Variants in PLCB4 observed in about 807,000 individuals in gnomAD.
PLCB4 encodes 1-phosphatidylinositol 4,5-bisphosphate phosphodiesterase beta-4.
Under a neutral mutation model 178.8 loss-of-function variants are expected in PLCB4, and 77 were observed. That is an observed-to-expected ratio of 0.43 (90% CI 0.36 to 0.52). The LOEUF is 0.52. Among genes scored for constraint, PLCB4 ranks in the 20% least tolerant of loss-of-function variants. The probability of loss-of-function intolerance (pLI) is 0.00; values close to 1 mark genes in which losing one functional copy is unlikely to be tolerated. For missense variants in PLCB4, 1,024 were observed against 1,453.4 expected (o/e 0.70, Z 4.80); for synonymous variants, 496 against 490.8 (o/e 1.01, Z -0.14).
intron 3 of PLCB4, among the ~76,000 whole-genome samples, chr20:9,239,986 G>A (rs538153877): frequency 5.7e-4 from 87 of 152,272 alleles, no homozygotes; most frequent in Non-Finnish European, 4.4e-4. Context: ...TTCTAGCTGC[G>A]CTGGCAGCTG....
At chr20:9,243,250 T>C (rs1220638050) in intron 3 of PLCB4, among the ~76,000 whole-genome samples, 2 of 152,178 alleles carry the variant, frequency 1.3e-5, no homozygotes, top group East Asian at 3.8e-4. Context: ...AGAAATTAAC[T>C]TGATGAACCC....
chr20:9,255,263 A>G (rs1392521486), intron 3 of PLCB4, among the ~76,000 whole-genome samples: 1 of 152,238 alleles, frequency 6.6e-6, no homozygotes, highest in Non-Finnish European at 1.5e-5. Flanking sequence ...ACCCAAAGTC[A>G]TAAGAATTGT....
intron 1 of PLCB4, among the ~76,000 whole-genome samples, chr20:9,083,485 A>G (rs1451991772): frequency 3.0e-5 from 1 of 33,788 alleles, no homozygotes; most frequent in Non-Finnish European, 4.4e-5. Flanking sequence ...ATGGCTTTGC[A>G]ATATTTTAAA....
intron 3 of PLCB4, among the ~76,000 whole-genome samples, chr20:9,221,297 G>A (rs2093795730): frequency 6.6e-6 from 1 of 152,194 alleles, no homozygotes; most frequent in African/African-American, 2.4e-5. Context: ...GTCACTGACT[G>A]TGGGCAGGTA....
intron 2 of PLCB4, among the ~76,000 whole-genome samples, chr20:9,185,241 G>A (rs1426672844): frequency 1.3e-5 from 2 of 152,172 alleles, no homozygotes; most frequent in African/African-American, 4.8e-5. Flanking sequence ...CCCTGGAAGG[G>A]AATCCCATAT....
chr20:9,215,567 A>C (rs1196765366), intron 2 of PLCB4, among the ~76,000 whole-genome samples: 1 of 152,162 alleles, frequency 6.6e-6, no homozygotes, highest in African/African-American at 2.4e-5. Flanking sequence ...GTATTCCCTA[A>C]TTCTGTATAT....
intron 12 of PLCB4, 66 bp downstream of exon 12, chr20:9,373,170 C>T (rs1668681738): frequency 2.7e-6 from 2 of 737,748 alleles, no homozygotes; most frequent in South Asian, 1.6e-5. Flanking sequence ...CTGGTGTCCT[C>T]ATTGCATGCC....
At chr20:9,228,288 T>C (rs142703823) in intron 3 of PLCB4, among the ~76,000 whole-genome samples, 28 of 152,238 alleles carry the variant, frequency 1.8e-4, no homozygotes, top group African/African-American at 6.3e-4. Flanking sequence ...GGCATCAAAA[T>C]CAGGAAAAAA....
At chr20:9,267,429 C>A (rs921422398) in intron 3 of PLCB4, among the ~76,000 whole-genome samples, 5 of 152,056 alleles carry the variant, frequency 3.3e-5, no homozygotes, top group Admixed American at 2.6e-4. Flanking sequence ...TTCTTTTCTT[C>A]TGTGGTTATT....
intron 37 of PLCB4, among the ~76,000 whole-genome samples, 184 bp from the exon 38 acceptor site, chr20:9,473,095 A>G (rs557334202): frequency 1.3e-5 from 2 of 152,252 alleles, no homozygotes; most frequent in South Asian, 4.2e-4. Flanking sequence ...ATTTTCTAAG[A>G]TTTTAGCAGG....
intron 2 of PLCB4, among the ~76,000 whole-genome samples, chr20:9,155,719 G>A (rs1401423479): frequency 6.6e-6 from 1 of 152,182 alleles, no homozygotes; most frequent in Non-Finnish European, 1.5e-5. Flanking sequence ...AGACTTCTGA[G>A]TGGGTGGGTT....
At chr20:9,463,540 C>T (rs1472475446) in intron 35 of PLCB4, among the ~76,000 whole-genome samples, 2 of 134,014 alleles carry the variant, frequency 1.5e-5, no homozygotes, top group African/African-American at 5.7e-5. Flanking sequence ...TGCAGAGACA[C>T]ACACAGGCTC....
At chr20:9,300,666 A>G (rs1267972127) in intron 3 of PLCB4, among the ~76,000 whole-genome samples, 1 of 152,120 alleles carries the variant, frequency 6.6e-6, no homozygotes, top group Non-Finnish European at 1.5e-5. Flanking sequence ...ATCTGAATTC[A>G]TTTCTAGGTG....
intron 2 of PLCB4, among the ~76,000 whole-genome samples, chr20:9,170,032 T>A: frequency 6.6e-6 from 1 of 152,232 alleles, no homozygotes. Context: ...TCCTTACTTG[T>A]ACATAGCTTG....
intron 2 of PLCB4, among the ~76,000 whole-genome samples, chr20:9,112,884 C>CTT (rs10667431): frequency 6.6e-6 from 1 of 151,754 alleles, no homozygotes; most frequent in East Asian, 2.0e-4. Flanking sequence ...TCCTCTTGCC[C>CTT]TTTTTAAAAA....
chr20:9,456,688 T>G (rs910281160), intron 33 of PLCB4, among the ~76,000 whole-genome samples: 1 of 152,168 alleles, frequency 6.6e-6, no homozygotes, highest in African/African-American at 2.4e-5. Flanking sequence ...TGCCAGCCAT[T>G]GAGAAGTGCT....
intron 7 of PLCB4, among the ~76,000 whole-genome samples, chr20:9,344,297 C>A (rs1210420027): frequency 1.3e-5 from 2 of 152,194 alleles, no homozygotes; most frequent in African/African-American, 2.4e-5. Context: ...GGAAAATTGT[C>A]TTAGCAGGAG....
intron 4 of PLCB4, among the ~76,000 whole-genome samples, chr20:9,325,150 C>T (rs907423405): frequency 1.3e-5 from 2 of 152,142 alleles, no homozygotes; most frequent in East Asian, 1.9e-4. Flanking sequence ...TATCAGTTTG[C>T]GGCGGTGTTT....
chr20:9,216,325 T>C (rs912841105), intron 2 of PLCB4, among the ~76,000 whole-genome samples: 6 of 151,324 alleles, frequency 4.0e-5, no homozygotes, highest in Non-Finnish European at 4.4e-5. Flanking sequence ...TCACGCCATT[T>C]TCCTGCCTCA....
Sources: gnomAD v4.1 joint callset for allele counts (sites outside exome capture counted in the v4.1 genomes callset) on GRCh38, gnomAD v4.1.1 for gene constraint, MANE v1.5 for transcripts, NCBI Gene and HGNC (gene_info 2026-07-23, HGNC 2026-07-21) for gene names.